The following CADPS2 variants were observed in gnomAD, a reference collection of about 807,000 sequenced individuals.
CADPS2 encodes calcium dependent secretion activator 2, also known as calcium-dependent secretion activator 2.
In CADPS2, 93 loss-of-function variants were observed where a neutral mutation model predicts 172.5. That is an observed-to-expected ratio of 0.54 (90% CI 0.46 to 0.64). CADPS2 has a LOEUF of 0.64. CADPS2 is among the 30% of genes least tolerant of loss of function. The pLI, the probability that CADPS2 is intolerant of heterozygous loss-of-function variation, is 0.00. For synonymous variants in CADPS2, 546 were observed against 555.2 expected (o/e 0.98, Z 0.23); for missense variants, 1,420 against 1,565.9 (o/e 0.91, Z 1.57).
intron 17 of CADPS2, among the ~76,000 whole-genome samples, chr7:122,425,425 CA>C (rs71159797): frequency 0.32 from 23,186 of 72,678 alleles, 2,273 homozygotes; most frequent in Admixed American, 0.37. Flanking sequence ...CTATCTCTAC[CA>C]AAAAAAAAAA....
At chr7:122,873,329 C>G (rs1820301139) in intron 1 of CADPS2, among the ~76,000 whole-genome samples, 1 of 152,254 alleles carries the variant, frequency 6.6e-6, no homozygotes, top group Non-Finnish European at 1.5e-5. Flanking sequence ...TCTAGCCCCC[C>G]AACCCAATAG....
intron 25 of CADPS2, among the ~76,000 whole-genome samples, chr7:122,362,432 A>C (rs12536063): frequency 0.23 from 34,877 of 152,166 alleles, 4,242 homozygotes; most frequent in Non-Finnish European, 0.26. Flanking sequence ...TGAGGGGGGT[A>C]GGATGTGGAA....
At chr7:122,345,179 G>T (rs1382781735) in intron 28 of CADPS2, among the ~76,000 whole-genome samples, 1 of 152,164 alleles carries the variant, frequency 6.6e-6, no homozygotes, top group African/African-American at 2.4e-5. Context: ...AGGCTGGAGT[G>T]CAGTGGAGCA....
chr7:122,404,604 C>T (rs908740652), intron 20 of CADPS2, among the ~76,000 whole-genome samples: 5 of 152,118 alleles, frequency 3.3e-5, no homozygotes, highest in African/African-American at 7.2e-5. Flanking sequence ...TTTACAGTCC[C>T]GCCAACAGTG....
At chr7:122,408,070 T>C in intron 19 of CADPS2, among the ~76,000 whole-genome samples, 1 of 152,274 alleles carries the variant, frequency 6.6e-6, no homozygotes, top group South Asian at 2.1e-4. Flanking sequence ...ATTTCTTTTT[T>C]TTTCTGTGAA....
chr7:122,527,839 G>C (rs531649221), intron 8 of CADPS2, among the ~76,000 whole-genome samples: 1 of 152,054 alleles, frequency 6.6e-6, no homozygotes, highest in Non-Finnish European at 1.5e-5. Flanking sequence ...ATGGAAGCAA[G>C]TATTGGGAAT....
At chr7:122,390,675 G>C (rs1196379380) in intron 22 of CADPS2, among the ~76,000 whole-genome samples, 1 of 151,962 alleles carries the variant, frequency 6.6e-6, no homozygotes. Context: ...GTTTAATTGG[G>C]AATGTAATTA....
intron 7 of CADPS2, among the ~76,000 whole-genome samples, chr7:122,564,165 G>A (rs943374897): frequency 2.6e-5 from 4 of 152,140 alleles, no homozygotes; most frequent in African/African-American, 9.7e-5. Flanking sequence ...AGGGATCCAT[G>A]CAAGGTCTAA....
intron 6 of CADPS2, among the ~76,000 whole-genome samples, chr7:122,584,309 C>G (rs2069308798): frequency 6.6e-6 from 1 of 151,882 alleles, no homozygotes; most frequent in Non-Finnish European, 1.5e-5. Flanking sequence ...CAGGTTTTCT[C>G]TTTCTCCTTG....
intron 2 of CADPS2, chr7:122,697,853 G>A (rs921440736): frequency 6.2e-7 from 1 of 1,611,644 alleles, no homozygotes; most frequent in Admixed American, 1.7e-5. Context: ...TGAGAAGTAG[G>A]GTTCTCCTCC....
At chr7:122,372,627 C>A (rs2041904359) in intron 25 of CADPS2, among the ~76,000 whole-genome samples, 1 of 152,044 alleles carries the variant, frequency 6.6e-6, no homozygotes, top group Admixed American at 6.5e-5. Flanking sequence ...ATGCACAGAA[C>A]AATTAAAATA....
intron 3 of CADPS2, among the ~76,000 whole-genome samples, chr7:122,636,321 T>C (rs2471203): frequency 0.52 from 78,637 of 151,864 alleles, 20,625 homozygotes; most frequent in East Asian, 0.72. Context: ...TACTTGCTTA[T>C]CTGAGAAGTA....
intron 27 of CADPS2, among the ~76,000 whole-genome samples, chr7:122,356,818 C>T (rs1585228235): frequency 6.6e-6 from 1 of 152,126 alleles, no homozygotes; most frequent in East Asian, 1.9e-4. Context: ...ACAGAGTTTC[C>T]AGTTTTGTGT....
At chr7:122,832,804 C>T (rs1584750187) in intron 1 of CADPS2, among the ~76,000 whole-genome samples, 1 of 152,182 alleles carries the variant, frequency 6.6e-6, no homozygotes, top group Non-Finnish European at 1.5e-5. Flanking sequence ...AAGATCCATG[C>T]AAGTATCACC....
At chr7:122,579,759 A>G (rs2068560277) in intron 7 of CADPS2, among the ~76,000 whole-genome samples, 1 of 152,056 alleles carries the variant, frequency 6.6e-6, no homozygotes, top group Non-Finnish European at 1.5e-5. Context: ...GTTCAATGAA[A>G]ACAAATGCAC....
chr7:122,721,261 T>A (rs1175806622), intron 2 of CADPS2, among the ~76,000 whole-genome samples: 1 of 151,938 alleles, frequency 6.6e-6, no homozygotes, highest in South Asian at 2.1e-4. Context: ...ACTGCTTGTT[T>A]GAAAAGATCA....
chr7:122,598,603 T>C (rs1370232419), intron 6 of CADPS2, among the ~76,000 whole-genome samples: 1 of 152,056 alleles, frequency 6.6e-6, no homozygotes, highest in Non-Finnish European at 1.5e-5. Flanking sequence ...ATTAAGTCCA[T>C]TCAGACTCAT....
At chr7:122,345,825 A>G in intron 27 of CADPS2, 144 bp from the exon 28 acceptor site, 1 of 543,110 alleles carries the variant, frequency 1.8e-6, no homozygotes, top group Non-Finnish European at 3.2e-6. Flanking sequence ...AGCATCTTCA[A>G]TACATTCCAT....
chr7:122,827,433 G>A (rs59952403), intron 1 of CADPS2, among the ~76,000 whole-genome samples: 2,218 of 152,158 alleles, frequency 0.015, 54 homozygotes, highest in African/African-American at 0.051. Flanking sequence ...GGGAGTTTGC[G>A]ACCAGCCTGA....
Sources: gnomAD v4.1 joint callset for allele counts (sites outside exome capture counted in the v4.1 genomes callset) on GRCh38, gnomAD v4.1.1 for gene constraint, MANE v1.5 for transcripts, NCBI Gene and HGNC (gene_info 2026-07-23, HGNC 2026-07-21) for gene names.